The following CAMKMT variants were observed in gnomAD, a reference collection of about 807,000 sequenced individuals.
The protein encoded by CAMKMT is CaM KMT.
In CAMKMT, 53 loss-of-function variants were observed where a neutral mutation model predicts 48.0. The ratio of observed to expected loss-of-function variants is 1.10; its 90% CI spans 0.89 to 1.39. The LOEUF (loss-of-function observed/expected upper bound fraction) is 1.39. Ranked by LOEUF, CAMKMT falls within the 40% of genes most tolerant of loss-of-function variation. The pLI, the probability that CAMKMT is intolerant of heterozygous loss-of-function variation, is 0.00. For synonymous variants in CAMKMT, 165 were observed against 152.3 expected, an observed-to-expected ratio of 1.08 and a Z score of -0.61; for missense variants, 428 against 402.7, an observed-to-expected ratio of 1.06 and a Z score of -0.54.
intron 3 of CAMKMT, among the ~76,000 whole-genome samples, chr2:44,652,603 G>A (rs1258260469): frequency 2.0e-5 from 3 of 152,156 alleles, no homozygotes; most frequent in Admixed American, 6.5e-5. Context: ...CACCACCACT[G>A]CCTCCCCCTC....
chr2:44,500,069 A>G (rs1669935662), intron 3 of CAMKMT, among the ~76,000 whole-genome samples: 1 of 152,182 alleles, frequency 6.6e-6, no homozygotes, highest in South Asian at 2.1e-4. Flanking sequence ...CACTTGATGA[A>G]AATATTAAAA....
intron 3 of CAMKMT, among the ~76,000 whole-genome samples, chr2:44,439,870 C>T (rs1429399691): frequency 6.6e-6 from 1 of 151,954 alleles, no homozygotes; most frequent in Non-Finnish European, 1.5e-5. Flanking sequence ...CATCTGAAAA[C>T]GTTTCCAGGG....
intron 3 of CAMKMT, among the ~76,000 whole-genome samples, chr2:44,400,057 A>T (rs1572764182): frequency 6.6e-6 from 1 of 152,224 alleles, no homozygotes; most frequent in Non-Finnish European, 1.5e-5. Flanking sequence ...CCCAAGTGGT[A>T]TTCAGTAAGT....
intron 3 of CAMKMT, among the ~76,000 whole-genome samples, chr2:44,689,926 GA>G (rs1407636773): frequency 6.6e-6 from 1 of 152,194 alleles, no homozygotes; most frequent in African/African-American, 2.4e-5. Flanking sequence ...ATTGGAGAGG[GA>G]AAATCATACT....
chr2:44,703,943 C>T (rs1406392317), intron 3 of CAMKMT, among the ~76,000 whole-genome samples: 5 of 152,072 alleles, frequency 3.3e-5, no homozygotes, highest in African/African-American at 1.2e-4. Context: ...TCAACTGATA[C>T]TAATTAATTT....
chr2:44,592,176 A>C (rs1455249526), intron 3 of CAMKMT, among the ~76,000 whole-genome samples: 1 of 151,960 alleles, frequency 6.6e-6, no homozygotes, highest in African/African-American at 2.4e-5. Flanking sequence ...AACTAACCTG[A>C]ATATTGTGCA....
intron 3 of CAMKMT, among the ~76,000 whole-genome samples, chr2:44,537,391 C>G (rs1014036057): frequency 1.3e-5 from 2 of 152,062 alleles, no homozygotes; most frequent in African/African-American, 2.4e-5. Context: ...AGAAGACATA[C>G]AAATGGCCAG....
rs370636411 is a variant in CAMKMT at position 44,683,587 on chromosome 2, G to A, written c.377-20696G>A. The stretch of plus-strand genomic sequence containing the variant: ...TATAATCCCAGCACTTTGGGAGGCC[G>A]AGGCGGGCGGATCGCAAGGTCAGGA... On this transcript the variant is annotated intron_variant, in intron 3 of 10. Coordinates refer to ENST00000378494, the MANE Select transcript of CAMKMT (RefSeq NM_024766.5). 1.1e-4 allele frequency among the ~76,000 whole-genome samples: 17 copies of A among 152,204 alleles called. No individual in the cohort carries two copies. In the East Asian group the frequency reaches 2.1e-3, roughly 19 times the overall value.
chr2:44,527,203 C>T (rs1666165008), intron 3 of CAMKMT, among the ~76,000 whole-genome samples: 1 of 147,650 alleles, frequency 6.8e-6, no homozygotes, highest in East Asian at 1.9e-4. Context: ...AGTGATCCTC[C>T]CATCTCAGCC....
intron 3 of CAMKMT, among the ~76,000 whole-genome samples, chr2:44,628,223 C>T (rs1672607119): frequency 6.6e-6 from 1 of 152,092 alleles, no homozygotes; most frequent in Non-Finnish European, 1.5e-5. Context: ...GCTGAGATTA[C>T]AGGCATGAGC....
chr2:44,409,338 C>T (rs1225115728), intron 3 of CAMKMT, among the ~76,000 whole-genome samples: 5 of 151,678 alleles, frequency 3.3e-5, no homozygotes, highest in East Asian at 1.9e-4. Flanking sequence ...TGATTTCTAC[C>T]GTGACATTTG....
chr2:44,469,507 C>T (rs1442156091), intron 3 of CAMKMT, among the ~76,000 whole-genome samples: 2 of 151,082 alleles, frequency 1.3e-5, no homozygotes, highest in South Asian at 4.2e-4. Context: ...TTGTTGTAAT[C>T]CATTACTTTT....
At chr2:44,397,366 G>T (rs1298173112) in intron 3 of CAMKMT, among the ~76,000 whole-genome samples, 1 of 152,230 alleles carries the variant, frequency 6.6e-6, no homozygotes, top group Non-Finnish European at 1.5e-5. Flanking sequence ...GCAGCCCTGA[G>T]AGTATAGGGG....
At chr2:44,609,633 T>G (rs1170506971) in intron 3 of CAMKMT, among the ~76,000 whole-genome samples, 1 of 152,250 alleles carries the variant, frequency 6.6e-6, no homozygotes, top group Non-Finnish European at 1.5e-5. Context: ...TACTAAGTGC[T>G]TCTTGACCAT....
intron 10 of CAMKMT, among the ~76,000 whole-genome samples, chr2:44,769,630 A>G (rs539608363): frequency 1.3e-5 from 2 of 152,204 alleles, no homozygotes; most frequent in Admixed American, 6.5e-5. Context: ...TCTTTGAAAT[A>G]TAATTTTACA....
At chr2:44,732,302 A>G (rs986081051) in intron 7 of CAMKMT, among the ~76,000 whole-genome samples, 2 of 152,216 alleles carry the variant, frequency 1.3e-5, no homozygotes, top group African/African-American at 4.8e-5. Flanking sequence ...TTGATTTTGT[A>G]ATGTTTCTGC....
intron 10 of CAMKMT, among the ~76,000 whole-genome samples, 153 bp downstream of exon 10, chr2:44,766,714 G>A (rs1680856659): frequency 6.6e-6 from 1 of 152,098 alleles, no homozygotes; most frequent in Non-Finnish European, 1.5e-5. Flanking sequence ...ATTTTGTGTG[G>A]TAAAGCCATC....
intron 3 of CAMKMT, among the ~76,000 whole-genome samples, chr2:44,649,874 T>C (rs1343266068): frequency 6.6e-6 from 1 of 152,150 alleles, no homozygotes; most frequent in Non-Finnish European, 1.5e-5. Flanking sequence ...GGAAAGTCTT[T>C]CCCCTAAATC....
chr2:44,700,514 C>T (rs1392209034), intron 3 of CAMKMT, among the ~76,000 whole-genome samples: 1 of 152,062 alleles, frequency 6.6e-6, no homozygotes, highest in African/African-American at 2.4e-5. Flanking sequence ...ACTTAGAGAC[C>T]ATTTGTTAAG....
Sources: allele counts gnomAD v4.1 joint callset (sites outside exome capture counted in the v4.1 genomes callset), GRCh38; gene constraint gnomAD v4.1.1; transcripts MANE v1.5; gene names NCBI Gene and HGNC (gene_info 2026-07-23, HGNC 2026-07-21).